The following MTRR variants were observed in gnomAD, a reference collection of about 807,000 sequenced individuals.
MTRR encodes the protein methionine synthase reductase.
In MTRR, 63 loss-of-function variants were observed where a neutral mutation model predicts 79.2. The ratio of observed to expected loss-of-function variants is 0.80; its 90% CI spans 0.65 to 0.98. The LOEUF (loss-of-function observed/expected upper bound fraction) is 0.98. MTRR is among the 50% of genes least tolerant of loss of function. MTRR has a pLI of 0.00. For missense variants in MTRR, 895 were observed against 839.6 expected (o/e 1.07, Z -0.82); for synonymous variants, 355 against 313.3 (o/e 1.13, Z -1.41).
intron 1 of MTRR, 109 bp downstream of exon 1, chr5:7,869,324 T>G: frequency 3.0e-6 from 4 of 1,341,006 alleles, no homozygotes; most frequent in Non-Finnish European, 4.2e-6. Flanking sequence ...GCGCCCGTGG[T>G]TCCCACGCCC....
chr5:7,859,531 A>C, intron 1 of MTRR: 1 of 1,592,248 alleles, frequency 6.3e-7, no homozygotes, highest in Non-Finnish European at 8.6e-7. Context: ...CAATCTCATG[A>C]TAGGGGATCT....
intron 10 of MTRR, among the ~76,000 whole-genome samples, chr5:7,892,513 T>C (rs1050492518): frequency 4.6e-5 from 7 of 152,286 alleles, no homozygotes; most frequent in Non-Finnish European, 7.3e-5. Context: ...CAAATAAAAT[T>C]GGAAACTTTC....
In MTRR at chr5:7,869,202, C is replaced by T. The variant is rs760749648; in HGVS notation, c.-39C>T. The stretch of plus-strand genomic sequence containing the variant: ...TCGCGTTGTGCAGGTTCGTGCCCGG[C>T]TGGCGCGGCGTGGGTAAGCTGCCTG... On this transcript the variant is annotated 5_prime_UTR_variant, in exon 1 of 15. Coordinates refer to ENST00000440940, the MANE Select transcript of MTRR (RefSeq NM_002454.3). 6.2e-7 allele frequency: 1 copy of T among 1,608,762 alleles called. No individual in the cohort carries two copies. The highest frequency in any genetic ancestry group is 8.5e-7 in the Non-Finnish European group (1 of 1,179,786).
Position 7,897,129 on chromosome 5 carries a change from G to GTT in MTRR, c.1834_1835insTT (p.Asp612ValfsTer57). ...TCATCTAAAGGTTTCCTTCTCAAGA[G>GTT]ATGCTCCTGTTGGGGAGGAGGAAGC... On this transcript the variant is annotated frameshift_variant, in exon 14 of 15. Transcript: ENST00000440940. LOFTEE classifies it high-confidence loss of function. 1 of 1,614,116 alleles carries GTT rather than the reference G, an allele frequency of 6.2e-7. No individual in the cohort carries two copies. Among genetic ancestry groups the GTT allele is most frequent in the Non-Finnish European group, 8.5e-7 (1 of 1,180,028 alleles).
rs760216011 is a variant in MTRR, at chr5:7,896,970, C to T, written c.1769+14C>T. On this transcript the variant is annotated intron_variant, in intron 13 of 14. Coordinates refer to ENST00000440940, the MANE Select transcript of MTRR (RefSeq NM_002454.3). ...TTATCTATTCAGGTATTGTACAATTCCAGTATTGTACTCAACCACTGAGTG... is the reference window on the plus strand; with the variant it reads ...TTATCTATTCAGGTATTGTACAATTTCAGTATTGTACTCAACCACTGAGTG... 29 of 1,612,770 alleles carry T rather than the reference C, an allele frequency of 1.8e-5. No individual in the cohort carries two copies. Among genetic ancestry groups the T allele is most frequent in the Non-Finnish European group, 2.3e-5 (27 of 1,178,992 alleles).
chr5:7,862,653 C>T (rs141538136), intron 2 of MTRR, among the ~76,000 whole-genome samples: 187 of 152,244 alleles, frequency 1.2e-3, no homozygotes, highest in Non-Finnish European at 2.3e-3. Flanking sequence ...AGACTTAAAC[C>T]CAGACAGTCT....
At chr5:7,879,462 C>CAAAA (rs35558077) in intron 5 of MTRR, among the ~76,000 whole-genome samples, 4 of 88,560 alleles carry the variant, frequency 4.5e-5, no homozygotes, top group Non-Finnish European at 8.7e-5. Context: ...GACTCCGTCT[C>CAAAA]AAAAAAAAAA....
chr5:7,858,351 G>T (rs534303225), intron 1 of MTRR, among the ~76,000 whole-genome samples: 4 of 152,300 alleles, frequency 2.6e-5, no homozygotes, highest in Admixed American at 2.0e-4. Flanking sequence ...AGATTTCAGA[G>T]AGCTGTGAGA....
At chr5:7,861,252 C>T (rs770094683) in intron 1 of MTRR, 1 of 1,589,798 alleles carries the variant, frequency 6.3e-7, no homozygotes, top group East Asian at 2.2e-5. Flanking sequence ...ACCATCAATA[C>T]ACAGTGCTAT....
chr5:7,870,137 T>G, intron 1 of MTRR: 1 of 952,838 alleles, frequency 1.0e-6, no homozygotes, highest in Non-Finnish European at 1.3e-6. Context: ...TGGAAATATT[T>G]TTTCGTTATA....
At chr5:7,883,994 C>T (rs1736005578) in intron 6 of MTRR, among the ~76,000 whole-genome samples, 1 of 152,096 alleles carries the variant, frequency 6.6e-6, no homozygotes, top group Non-Finnish European at 1.5e-5. Context: ...AAGACCTTGT[C>T]TCTACAAAAA....
upstream of MTRR, chr5:7,867,049 C>T: frequency 6.2e-7 from 1 of 1,614,110 alleles, no homozygotes; most frequent in African/African-American, 1.3e-5. Flanking sequence ...TGTCATGGTG[C>T]CCAAAATATA....
chr5:7,894,830 G>GA (rs1387372548), intron 11 of MTRR, among the ~76,000 whole-genome samples: 5 of 152,118 alleles, frequency 3.3e-5, no homozygotes, highest in Non-Finnish European at 5.9e-5. Flanking sequence ...GCGTTGTTTT[G>GA]TTCATTTCTG....
intron 1 of MTRR, chr5:7,861,024 T>C (rs1322868980): frequency 2.0e-5 from 12 of 613,542 alleles, no homozygotes; most frequent in African/African-American, 3.7e-5. Context: ...AGTTCAATAA[T>C]TGCTGCCTGA....
At chr5:7,868,086 C>G (rs771989115), upstream of MTRR, 1 of 1,563,914 alleles carries the variant, frequency 6.4e-7, no homozygotes, top group East Asian at 2.3e-5. Flanking sequence ...AATGCCATAC[C>G]ATCAGATTCT....
In MTRR at chr5:7,887,834, G is replaced by GGT. The variant is rs1561239315; in HGVS notation, c.1146+1131_1146+1132insGT. 2.9e-4 allele frequency among the ~76,000 whole-genome samples: 33 copies of GGT among 114,298 alleles called. 1 individual carries two copies. Among genetic ancestry groups the GGT allele is most frequent in the East Asian group, 7.7e-4 (3 of 3,900 alleles). The allele number at this position is 114,298 out of a possible 152,430, so 75.0% of individuals were successfully genotyped here. ...TATATATATATATATATATATATGG[G>GGT]TTTTTTCAAAAATAGTATGCTCATT... is the stretch of plus-strand genomic sequence containing the variant. On this transcript the variant is annotated intron_variant, in intron 8 of 14. Coordinates refer to ENST00000440940, the MANE Select transcript of MTRR (RefSeq NM_002454.3).
At position 7,900,847 on chromosome 5, in the gene MTRR, T is replaced by C. The variant is rs1739362873; in HGVS notation, c.*789T>C. On this transcript the variant is annotated 3_prime_UTR_variant, in exon 15 of 15. Coordinates refer to ENST00000440940, the MANE Select transcript of MTRR (RefSeq NM_002454.3). ...TTATTTCTGCTGCTTGGCACATTTT[T>C]GAGTTTTCCCACATTATTTGTCTCC... is the stretch of plus-strand genomic sequence containing the variant. The C allele has an allele frequency of 6.7e-6, 1 of 149,294 alleles. No homozygotes were observed. 9.2% of individuals were successfully genotyped at this position (149,294 alleles called of 1,614,324 possible).
In MTRR at chr5:7,878,181, C is replaced by T. The variant is rs1273521566; in HGVS notation, c.639C>T (p.Asn213=). The part of the protein sequence containing the change: ...DSEVLKQNAV[N]SNQSNVVIED... ...AGGTTTTGAAGCAAAATGCAGTGAA[C>T]AGCAACCAATCCAATGTTGTAATTG... The change falls in exon 5 of 15, where the codon AAC becomes AAT. Residue 213 remains asparagine (N), a synonymous_variant. Transcript: ENST00000440940. 7 of 1,614,068 alleles carry T rather than the reference C, an allele frequency of 4.3e-6. No homozygotes were observed. The highest frequency in any genetic ancestry group is 8.5e-7 in the Non-Finnish European group (1 of 1,180,056).
chr5:7,869,314 G>C, intron 1 of MTRR, 99 bp downstream of exon 1: 1 of 1,456,980 alleles, frequency 6.9e-7, no homozygotes, highest in Non-Finnish European at 9.4e-7. Context: ...CAGCCGGCTT[G>C]CGCCCGTGGT....
Sources: gnomAD v4.1 joint callset for allele counts (sites outside exome capture counted in the v4.1 genomes callset) on GRCh38, gnomAD v4.1.1 for gene constraint, MANE v1.5 for transcripts, NCBI Gene and HGNC (gene_info 2026-07-23, HGNC 2026-07-21) for gene names.